Variants in ATP6V1B1 observed in about 807,000 individuals in gnomAD.
ATP6V1B1 encodes ATPase H+ transporting V1 subunit B1.
Under a neutral mutation model 62.1 loss-of-function variants are expected in ATP6V1B1, and 41 were observed. That is an observed-to-expected ratio of 0.66 (90% CI 0.51 to 0.86). The LOEUF is 0.86. Among genes scored for constraint, ATP6V1B1 ranks in the 40% least tolerant of loss-of-function variants. The probability of loss-of-function intolerance (pLI) is 0.00; values close to 1 mark genes in which losing one functional copy is unlikely to be tolerated. For synonymous variants in ATP6V1B1, 253 were observed against 273.4 expected, an observed-to-expected ratio of 0.93 and a Z score of 0.74; for missense variants, 651 against 697.5, an observed-to-expected ratio of 0.93 and a Z score of 0.75.
Position 70,964,831 on chromosome 2 carries a change from C to T in ATP6V1B1, c.1344C>T (p.Phe448=). ...CTGAGGACCTGCTCTACCTGGAATTCCTGCAGAAGTTTGAGAAGAACTTCA... is the reference window on the plus strand; with the variant it reads ...CTGAGGACCTGCTCTACCTGGAATTTCTGCAGAAGTTTGAGAAGAACTTCA... The part of the protein sequence containing the change: ...LTSEDLLYLE[F]LQKFEKNFIN... Residue 448 remains phenylalanine (F), a synonymous_variant, in exon 13 of 14, where the codon TTC becomes TTT. Transcript: ENST00000234396. 1.2e-6 allele frequency: 2 copies of T among 1,614,044 alleles called. No individual in the cohort carries two copies. The highest frequency in any genetic ancestry group is 1.7e-6 in the Non-Finnish European group (2 of 1,180,038).
Position 70,958,435 on chromosome 2 carries a change from C to A in ATP6V1B1, c.367+9C>A. 6.2e-7 allele frequency: 1 copy of A among 1,606,418 alleles called. No individual in the cohort carries two copies. The highest frequency in any genetic ancestry group is 8.5e-7 in the Non-Finnish European group (1 of 1,173,144). On this transcript the variant is annotated intron_variant, in intron 4 of 13. Transcript: ENST00000234396. The stretch of plus-strand genomic sequence containing the variant: ...GTCAGAGGACATGCTGGGTGAGGGA[C>A]AGGGAGGGGCAGGGGTGGGGGTGCT...
intron 2 of ATP6V1B1, among the ~76,000 whole-genome samples, chr2:70,944,668 C>CTTTTTT (rs36039112): frequency 7.7e-6 from 1 of 129,352 alleles, no homozygotes; most frequent in Non-Finnish European, 1.6e-5. Flanking sequence ...CAGGTCTTTT[C>CTTTTTT]TTTTTTTTTT....
At chr2:70,955,427 C>G (rs1381655295) in intron 2 of ATP6V1B1, among the ~76,000 whole-genome samples, 1 of 152,108 alleles carries the variant, frequency 6.6e-6, no homozygotes, top group Non-Finnish European at 1.5e-5. Context: ...TAATAAAATT[C>G]CAAAACATTG....
chr2:70,949,869 AT>A (rs1680279679), intron 2 of ATP6V1B1, among the ~76,000 whole-genome samples: 1 of 152,182 alleles, frequency 6.6e-6, no homozygotes, highest in African/African-American at 2.4e-5. Flanking sequence ...ATGATCAAAT[AT>A]TTTTTGTTTA....
At chr2:70,945,483 G>A (rs376952834) in intron 2 of ATP6V1B1, among the ~76,000 whole-genome samples, 57 of 145,504 alleles carry the variant, frequency 3.9e-4, no homozygotes, top group African/African-American at 1.4e-3. Flanking sequence ...TTGGACAAGA[G>A]GATAGAGTAT....
At chr2:70,960,159 C>G (rs1680552286) in intron 6 of ATP6V1B1, 81 bp downstream of exon 6, 1 of 1,587,406 alleles carries the variant, frequency 6.3e-7, no homozygotes, top group Non-Finnish European at 8.6e-7. Context: ...GAGGACAGCT[C>G]CTGTGCCAAG....
intron 2 of ATP6V1B1, among the ~76,000 whole-genome samples, chr2:70,947,940 TC>T (rs1472760175): frequency 6.6e-6 from 1 of 152,106 alleles, no homozygotes. Flanking sequence ...ACGGGAATTC[TC>T]CCAGGTACCC....
At chr2:70,951,856 A>G (rs1254167340) in intron 2 of ATP6V1B1, among the ~76,000 whole-genome samples, 2 of 152,022 alleles carry the variant, frequency 1.3e-5, no homozygotes, top group Non-Finnish European at 2.9e-5. Flanking sequence ...CCAAGATCGC[A>G]CCATTGCACT....
intron 2 of ATP6V1B1, among the ~76,000 whole-genome samples, chr2:70,945,697 A>C (rs1680142369): frequency 2.6e-5 from 1 of 38,336 alleles, no homozygotes; most frequent in East Asian, 1.1e-3. Context: ...TGGCTATTTG[A>C]AGAGATATAT....
chr2:70,957,250 AATATAT>A (rs55638187), intron 2 of ATP6V1B1, among the ~76,000 whole-genome samples: 7 of 144,844 alleles, frequency 4.8e-5, no homozygotes, highest in Admixed American at 6.9e-5. Flanking sequence ...CACACCTGGC[AATATAT>A]ATATATATAT....
chr2:70,944,812 G>T (rs1390406736), intron 2 of ATP6V1B1, among the ~76,000 whole-genome samples: 3 of 152,092 alleles, frequency 2.0e-5, no homozygotes, highest in Non-Finnish European at 4.4e-5. Context: ...GGGACTACAG[G>T]CACCCGCTAC....
At chr2:70,936,483 G>C (rs1158399660) in intron 1 of ATP6V1B1, among the ~76,000 whole-genome samples, 1 of 152,056 alleles carries the variant, frequency 6.6e-6, no homozygotes, top group Admixed American at 6.6e-5. Context: ...TACTTGGAGT[G>C]GTGTGTGTGG....
Position 70,965,230 on chromosome 2 carries a change from C to T in ATP6V1B1, c.*109C>T. ...GGCTTCTGCGCCGCCCTCCGCCCTC[C>T]GCTGGCTCCGAGGTGGTGGGGGCGC... On this transcript the variant is annotated 3_prime_UTR_variant, in exon 14 of 14. Transcript: ENST00000234396. The T allele has an allele frequency of 6.7e-7, 1 of 1,497,294 alleles. No homozygotes were observed. The highest frequency in any genetic ancestry group is 9.0e-7 in the Non-Finnish European group (1 of 1,105,024). The allele number at this position is 1,497,294 out of a possible 1,614,324, so 92.8% of individuals were successfully genotyped here.
intron 1 of ATP6V1B1, chr2:70,939,765 A>T (rs1553416129): frequency 8.8e-6 from 1 of 114,042 alleles, no homozygotes; most frequent in African/African-American, 2.9e-5. Flanking sequence ...GTGGGACAGC[A>T]GTGGGGAGAG....
intron 2 of ATP6V1B1, chr2:70,944,317 A>G (rs1288112570): frequency 1.3e-5 from 13 of 999,712 alleles, no homozygotes; most frequent in Non-Finnish European, 1.2e-5. Context: ...CAGTATCTTG[A>G]GTCCTGGGGT....
intron 1 of ATP6V1B1, chr2:70,940,357 C>T: frequency 1.0e-6 from 1 of 975,006 alleles, no homozygotes; most frequent in Non-Finnish European, 1.2e-6. Flanking sequence ...CCTCCCTATC[C>T]AGCCCACCCA....
At chr2:70,946,944 G>A (rs1225255594) in intron 2 of ATP6V1B1, among the ~76,000 whole-genome samples, 1 of 152,186 alleles carries the variant, frequency 6.6e-6, no homozygotes, top group African/African-American at 2.4e-5. Flanking sequence ...GGGTGGTGGA[G>A]GCACCTCTCC....
intron 2 of ATP6V1B1, among the ~76,000 whole-genome samples, chr2:70,950,719 A>G (rs1680303689): frequency 1.3e-5 from 2 of 152,134 alleles, no homozygotes; most frequent in African/African-American, 4.8e-5. Flanking sequence ...TTCTAAATGT[A>G]TAATATAATC....
chr2:70,964,763 G>T lies in ATP6V1B1; in HGVS notation c.1276G>T (p.Val426Leu). The change falls in exon 13 of 14, where the codon GTG (valine) becomes TTG (leucine). Residue 426 changes from valine (V) to leucine (L), a missense_variant. Val to Leu is a conservative substitution (Grantham distance 32). Coordinates refer to ENST00000234396, the MANE Select transcript of ATP6V1B1 (RefSeq NM_001692.4). ...LYACYAIGKDVQAMKAVVGEE... is the reference protein window; with the variant it reads ...LYACYAIGKDLQAMKAVVGEE... ...CGCCTGCTATGCCATCGGGAAGGAC[G>T]TGCAGGCCATGAAGGCAGTAGTTGG... The T allele has an allele frequency of 6.2e-7, 1 of 1,613,992 alleles. No homozygotes were observed. Among genetic ancestry groups the T allele is most frequent in the South Asian group, 1.1e-5 (1 of 91,070 alleles).
Sources: gnomAD v4.1 joint callset for allele counts (sites outside exome capture counted in the v4.1 genomes callset) on GRCh38, gnomAD v4.1.1 for gene constraint, MANE v1.5 for transcripts, NCBI Gene and HGNC (gene_info 2026-07-23, HGNC 2026-07-21) for gene names.